Variants in PTPRT observed in about 807,000 individuals in gnomAD.
The protein encoded by PTPRT is protein tyrosine phosphatase receptor type T, also known as receptor-type tyrosine-protein phosphatase T.
Under a neutral mutation model 176.8 loss-of-function variants are expected in PTPRT, and 56 were observed. The ratio of observed to expected loss-of-function variants is 0.32; its 90% CI spans 0.26 to 0.40. The LOEUF (loss-of-function observed/expected upper bound fraction) is 0.40, where lower values mean the gene tolerates loss of function less well. Among genes scored for constraint, PTPRT ranks in the 10% least tolerant of loss-of-function variants. PTPRT has a pLI of 1.00. For missense variants in PTPRT, 1,540 were observed against 1,908.2 expected (o/e 0.81, Z 3.60); for synonymous variants, 783 against 739.0 (o/e 1.06, Z -0.96).
intron 1 of PTPRT, among the ~76,000 whole-genome samples, chr20:43,180,241 C>A (rs1370840890): frequency 1.3e-5 from 2 of 152,064 alleles, no homozygotes; most frequent in Non-Finnish European, 2.9e-5. Context: ...CTCAGGCCTT[C>A]GGACTTACAT....
intron 1 of PTPRT, among the ~76,000 whole-genome samples, chr20:43,149,753 C>G (rs896916059): frequency 6.6e-6 from 1 of 152,228 alleles, no homozygotes; most frequent in African/African-American, 2.4e-5. Context: ...CAGCATAAAT[C>G]ATAACCCTCA....
At chr20:42,826,628 C>T (rs1372669079) in intron 2 of PTPRT, among the ~76,000 whole-genome samples, 2 of 152,132 alleles carry the variant, frequency 1.3e-5, no homozygotes, top group African/African-American at 2.4e-5. Flanking sequence ...AGCAGTGACA[C>T]GATAAAGCAA....
At chr20:42,717,898 C>T (rs1401230286) in intron 6 of PTPRT, among the ~76,000 whole-genome samples, 34 of 152,136 alleles carry the variant, frequency 2.2e-4, no homozygotes, top group Admixed American at 2.2e-3. Flanking sequence ...CATGCGCGTG[C>T]ACACGCGCAT....
At chr20:43,124,616 CT>C (rs2013376670) in intron 1 of PTPRT, among the ~76,000 whole-genome samples, 3 of 152,332 alleles carry the variant, frequency 2.0e-5, no homozygotes, top group Admixed American at 2.0e-4. Flanking sequence ...CAAAGAGACG[CT>C]GTACAATGGG....
At chr20:42,722,338 C>T (rs1323631410) in intron 6 of PTPRT, among the ~76,000 whole-genome samples, 1 of 152,200 alleles carries the variant, frequency 6.6e-6, no homozygotes, top group East Asian at 1.9e-4. Flanking sequence ...CACCTCCTTA[C>T]CAGAACATCT....
chr20:42,906,381 C>T (rs2079478840), intron 1 of PTPRT, among the ~76,000 whole-genome samples: 2 of 152,306 alleles, frequency 1.3e-5, no homozygotes, highest in African/African-American at 2.4e-5. Flanking sequence ...CTCCATCTCC[C>T]TCATGGCTCC....
intron 5 of PTPRT, among the ~76,000 whole-genome samples, chr20:42,769,443 A>G (rs2077031411): frequency 6.6e-6 from 1 of 152,206 alleles, no homozygotes; most frequent in Non-Finnish European, 1.5e-5. Flanking sequence ...CACCTATTGA[A>G]ATGCTAAAAT....
chr20:42,708,205 G>T (rs1424585852), intron 6 of PTPRT, among the ~76,000 whole-genome samples: 1 of 152,132 alleles, frequency 6.6e-6, no homozygotes, highest in Non-Finnish European at 1.5e-5. Context: ...GACTTTGGAT[G>T]TACTAGGGTG....
rs59872515 is a variant in PTPRT at position 42,257,643 on chromosome 20, ACCC to A, written c.2177-8824_2177-8822del. 5.5e-3 allele frequency among the ~76,000 whole-genome samples: 106 copies of A among 19,242 alleles called. 3 individuals are homozygous for A. Among genetic ancestry groups the A allele is most frequent in the Admixed American group, 0.011 (20 of 1,808 alleles). 12.6% of individuals were successfully genotyped at this position (19,242 alleles called of 152,430 possible). A position where few individuals can be genotyped will look rare whatever the true frequency, so the allele number is the denominator to read the frequency against. On this transcript the variant is annotated intron_variant, in intron 13 of 30. Transcript: ENST00000373187. ...TTAAAAGTGTGTAGCACCTCCCCCC[ACCC>A]CCCCCCCCCCGCCCACTACTCTCTC...
chr20:42,994,088 C>T (rs1984098805), intron 1 of PTPRT, among the ~76,000 whole-genome samples: 1 of 152,132 alleles, frequency 6.6e-6, no homozygotes, highest in Non-Finnish European at 1.5e-5. Flanking sequence ...ATGTGTGGCA[C>T]CGGTATGTAT....
At chr20:42,611,037 T>C (rs565170239) in intron 7 of PTPRT, among the ~76,000 whole-genome samples, 96 of 152,348 alleles carry the variant, frequency 6.3e-4, no homozygotes, top group African/African-American at 2.3e-3. Context: ...GTTCACTGTA[T>C]GGATATGCTA....
intron 12 of PTPRT, among the ~76,000 whole-genome samples, chr20:42,314,543 G>GAAAGA (rs749190527): frequency 4.5e-4 from 54 of 119,238 alleles, no homozygotes; most frequent in Middle Eastern, 4.5e-3. Flanking sequence ...AAAAAAAAAA[G>GAAAGA]AAAGAAAAGA....
intron 1 of PTPRT, among the ~76,000 whole-genome samples, chr20:42,992,179 T>C (rs974205193): frequency 6.6e-6 from 1 of 152,188 alleles, no homozygotes; most frequent in South Asian, 2.1e-4. Flanking sequence ...ACTGTAGAAT[T>C]TGGAGGACAC....
intron 2 of PTPRT, among the ~76,000 whole-genome samples, chr20:42,827,202 G>A (rs1267558446): frequency 6.6e-6 from 1 of 152,096 alleles, no homozygotes; most frequent in African/African-American, 2.4e-5. Context: ...GGACCAGATG[G>A]ATCTGATAGA....
At chr20:43,175,617 C>A (rs1432185932) in intron 1 of PTPRT, among the ~76,000 whole-genome samples, 1 of 99,708 alleles carries the variant, frequency 1.0e-5, no homozygotes, top group Non-Finnish European at 2.5e-5. Context: ...CACTGCACTC[C>A]AACCTGGCAA....
intron 7 of PTPRT, among the ~76,000 whole-genome samples, chr20:42,475,533 C>T (rs1036214337): frequency 1.3e-5 from 2 of 152,156 alleles, no homozygotes; most frequent in Non-Finnish European, 2.9e-5. Flanking sequence ...TTGACGCCAC[C>T]GGAGACTGAG....
intron 9 of PTPRT, among the ~76,000 whole-genome samples, chr20:42,365,229 G>C (rs914779628): frequency 6.6e-6 from 1 of 152,090 alleles, no homozygotes; most frequent in Non-Finnish European, 1.5e-5. Context: ...TTCTATTCCG[G>C]CTAGCCACAT....
chr20:42,426,689 G>T (rs1471698763), intron 9 of PTPRT, among the ~76,000 whole-genome samples: 1 of 152,140 alleles, frequency 6.6e-6, no homozygotes, highest in Non-Finnish European at 1.5e-5. Context: ...GCCCAAAAGT[G>T]CTAGCCCGAG....
At chr20:42,746,118 G>T (rs2076687151) in intron 6 of PTPRT, among the ~76,000 whole-genome samples, 1 of 152,196 alleles carries the variant, frequency 6.6e-6, no homozygotes, top group Admixed American at 6.5e-5. Flanking sequence ...TCAGCATGCA[G>T]CTGATAAAGT....
Sources: allele counts gnomAD v4.1 joint callset (sites outside exome capture counted in the v4.1 genomes callset), GRCh38; gene constraint gnomAD v4.1.1; transcripts MANE v1.5; gene names NCBI Gene and HGNC (gene_info 2026-07-23, HGNC 2026-07-21).